Variants in DHTKD1 observed in about 807,000 individuals in gnomAD.
The protein encoded by DHTKD1 is dehydrogenase E1 and transketolase domain containing 1.
In DHTKD1, 78 loss-of-function variants were observed where a neutral mutation model predicts 101.8. The ratio of observed to expected loss-of-function variants is 0.77; its 90% CI spans 0.64 to 0.93. The LOEUF (loss-of-function observed/expected upper bound fraction) is 0.93. Ranked by LOEUF, DHTKD1 falls within the 40% of genes least tolerant of loss-of-function variation. The probability of loss-of-function intolerance (pLI) is 0.00; values close to 1 mark genes in which losing one functional copy is unlikely to be tolerated. For synonymous variants in DHTKD1, 462 were observed against 450.3 expected (o/e 1.03, Z -0.33); for missense variants, 1,223 against 1,161.7 (o/e 1.05, Z -0.77).
Position 12,069,184 on chromosome 10 carries a change from C to G in DHTKD1, c.151C>G (p.Pro51Ala), listed in dbSNP as rs563631393. 2.6e-6 allele frequency: 4 copies of G among 1,547,880 alleles called. No individual in the cohort carries two copies. Among genetic ancestry groups the G allele is most frequent in the African/African-American group, 1.4e-5 (1 of 72,310 alleles). The change falls in exon 1 of 17, where the codon CCA (proline) becomes GCA (alanine). Residue 51 changes from proline (P) to alanine (A), a missense_variant. Pro to Ala is a conservative substitution (Grantham distance 27). Coordinates refer to ENST00000263035, the MANE Select transcript of DHTKD1 (RefSeq NM_018706.7). ...REPQGALERP[P>A]VDHGLARLVT... ...GCCCCAGGGCGCCCTGGAGCGCCCC[C>G]CAGGTCGGGGATGGGGCCCGGGCGG...
intron 3 of DHTKD1, 68 bp downstream of exon 3, chr10:12,084,819 G>A: frequency 1.4e-6 from 2 of 1,424,722 alleles, no homozygotes; most frequent in African/African-American, 1.4e-5. Context: ...GGGAGGCCGA[G>A]GCGGGCGGAT....
At chr10:12,084,391 T>C in intron 2 of DHTKD1, 149 bp from the exon 3 acceptor site, 3 of 581,892 alleles carry the variant, frequency 5.2e-6, no homozygotes, top group Non-Finnish European at 9.1e-6. Flanking sequence ...TTACTGCATA[T>C]AACAAAACAA....
chr10:12,084,453 G>C (rs1159065819), intron 2 of DHTKD1, 87 bp from the exon 3 acceptor site: 3 of 896,332 alleles, frequency 3.3e-6, no homozygotes, highest in Middle Eastern at 3.1e-4. Flanking sequence ...GGTTAATTTA[G>C]AAGAAAATAC....
At position 12,108,096 on chromosome 10, in the gene DHTKD1, C is replaced by G. The variant is rs897708127; in HGVS notation, c.2154+81C>G. On this transcript the variant is annotated intron_variant, in intron 12 of 16. Coordinates refer to ENST00000263035, the MANE Select transcript of DHTKD1 (RefSeq NM_018706.7). ...TCTACCTCCTGCGGATAGCTTAACG[C>G]CCACCTAACTGTAACACAGCTTAGT... 76 of 986,228 alleles carry G rather than the reference C, an allele frequency of 7.7e-5. No homozygotes were observed. In the African/African-American group the frequency reaches 1.1e-3, roughly 15 times the overall value. The allele number at this position is 986,228 out of a possible 1,614,324, so 61.1% of individuals were successfully genotyped here.
At chr10:12,106,193 G>C in intron 10 of DHTKD1, 53 bp from the exon 11 acceptor site, 1 of 1,602,972 alleles carries the variant, frequency 6.2e-7, no homozygotes, top group South Asian at 1.1e-5. Flanking sequence ...CAGGAGCCCA[G>C]TGCTCTGCCG....
rs1473496419 is a variant in DHTKD1, at chr10:12,122,929, C to G, written c.*2041C>G. 1 of 152,218 alleles carries G rather than the reference C, an allele frequency of 6.6e-6. No homozygotes were observed. Among genetic ancestry groups the G allele is most frequent in the African/African-American group, 2.4e-5 (1 of 41,462 alleles). 9.4% of individuals were successfully genotyped at this position (152,218 alleles called of 1,614,324 possible). On this transcript the variant is annotated 3_prime_UTR_variant, in exon 17 of 17. Transcript: ENST00000263035. Reference sequence around the variant, plus strand: ...CTCTCTACTTTTACCAGCAACTGATCATGTCTTTCAGAATCCATGTACATA... The same window carrying G: ...CTCTCTACTTTTACCAGCAACTGATGATGTCTTTCAGAATCCATGTACATA...
At position 12,089,024 on chromosome 10, in the gene DHTKD1, A is replaced by T; in HGVS notation, c.756A>T (p.Pro252=). Residue 252 remains proline, a synonymous_variant, in exon 5 of 17, where the codon CCA becomes CCT. Coordinates refer to ENST00000263035, the MANE Select transcript of DHTKD1 (RefSeq NM_018706.7). Reference sequence around the variant, plus strand: ...AAATGCGAGGCTTAAGTGAATTTCCAGAGAATTTCTCAGCCACTGGAGACG... The same window carrying T: ...AAATGCGAGGCTTAAGTGAATTTCCTGAGAATTTCTCAGCCACTGGAGACG... ...FRKMRGLSEF[P]ENFSATGDVL... is the part of the protein sequence containing the mutation. 6.2e-7 allele frequency: 1 copy of T among 1,614,074 alleles called. No individual in the cohort carries two copies. Among genetic ancestry groups the T allele is most frequent in the African/African-American group, 1.3e-5 (1 of 75,068 alleles).
At chr10:12,119,004 T>G (rs546954569) in intron 15 of DHTKD1, 86 bp downstream of exon 15, 2 of 1,335,690 alleles carry the variant, frequency 1.5e-6, no homozygotes, top group East Asian at 5.3e-5. Context: ...GTGGTGGGGG[T>G]TATTAGAAAA....
At chr10:12,101,002 A>T in intron 9 of DHTKD1, 40 bp from the exon 10 acceptor site, 2 of 1,607,876 alleles carry the variant, frequency 1.2e-6, no homozygotes, top group Non-Finnish European at 1.7e-6. Context: ...TTATTAGGTT[A>T]TTTATGGGAA....
At position 12,091,525 on chromosome 10, in the gene DHTKD1, G is replaced by A. The variant is rs1179819766; in HGVS notation, c.1000G>A (p.Ala334Thr). Reference protein sequence around the residue: ...RVICLQVHGDASFCGQGIVPE... With the variant: ...RVICLQVHGDTSFCGQGIVPE... Reference sequence around the variant, plus strand: ...CCTCATGATTTAGGTCCATGGTGATGCTTCTTTCTGTGGTCAAGGGATTGT... The same window carrying A: ...CCTCATGATTTAGGTCCATGGTGATACTTCTTTCTGTGGTCAAGGGATTGT... Residue 334 changes from alanine (A) to threonine (T), a missense_variant, in exon 6 of 17, where the codon GCT becomes ACT. By Grantham distance (58) the Ala-to-Thr change is moderately conservative (BLOSUM62 0). Transcript: ENST00000263035. 1.2e-6 allele frequency: 2 copies of A among 1,602,982 alleles called. No individual in the cohort carries two copies. Among genetic ancestry groups the A allele is most frequent in the Non-Finnish European group, 1.7e-6 (2 of 1,174,624 alleles).
chr10:12,114,560 T>C (rs1833383999), intron 13 of DHTKD1, among the ~76,000 whole-genome samples: 1 of 152,162 alleles, frequency 6.6e-6, no homozygotes, highest in African/African-American at 2.4e-5. Context: ...CCTCCCGAAG[T>C]GCTGGGATTA....
At chr10:12,115,354 C>T (rs1258629168) in intron 13 of DHTKD1, among the ~76,000 whole-genome samples, 3 of 152,162 alleles carry the variant, frequency 2.0e-5, no homozygotes, top group African/African-American at 7.2e-5. Context: ...GACTCGGCCT[C>T]CCAAAATGCT....
rs375917261 is a variant in DHTKD1, at chr10:12,084,699, C to A, written c.470C>A (p.Thr157Lys). Reference protein sequence around the residue: ...AKRFEELQKETFTTEERKHLS... With the variant: ...AKRFEELQKEKFTTEERKHLS... The stretch of plus-strand genomic sequence containing the variant: ...CGGTTTGAGGAACTGCAAAAGGAGA[C>A]GTTTACCACAGAAGAGCGAAAACAT... The change falls in exon 3 of 17, where the codon ACG becomes AAG. Residue 157 changes from threonine (T) to lysine (K), a missense_variant. Transcript: ENST00000263035. 2 of 1,613,978 alleles carry A rather than the reference C, an allele frequency of 1.2e-6. No homozygotes were observed. Among genetic ancestry groups the A allele is most frequent in the Non-Finnish European group, 1.7e-6 (2 of 1,180,032 alleles).
intron 9 of DHTKD1, 88 bp from the exon 10 acceptor site, chr10:12,100,954 T>G (rs1833159128): frequency 2.2e-6 from 3 of 1,359,510 alleles, no homozygotes; most frequent in Middle Eastern, 3.8e-4. Context: ...TTCTCAGGAT[T>G]AAGCCAGTAT....
At chr10:12,073,945 CCT>C in intron 1 of DHTKD1, among the ~76,000 whole-genome samples, 2 of 152,264 alleles carry the variant, frequency 1.3e-5, no homozygotes, top group Middle Eastern at 6.8e-3. Flanking sequence ...CAGAAGCATG[CCT>C]CTGATATTCT....
chr10:12,116,935 A>G (rs1833426457), intron 13 of DHTKD1, among the ~76,000 whole-genome samples: 1 of 152,000 alleles, frequency 6.6e-6, no homozygotes, highest in Non-Finnish European at 1.5e-5. Context: ...TTGTGAGTTC[A>G]AGCAATCCAC....
chr10:12,097,610 G>C (rs916701808), intron 7 of DHTKD1, 74 bp from the exon 8 acceptor site: 34 of 1,347,486 alleles, frequency 2.5e-5, no homozygotes, highest in Non-Finnish European at 3.2e-5. Flanking sequence ...CACCGCCCTT[G>C]ACAGTGACTC....
rs373988233 is a variant in DHTKD1, at chr10:12,120,278, G to A, written c.2658+11G>A. The A allele has an allele frequency of 7.5e-6, 12 of 1,602,802 alleles. 1 individual carries two copies. The African/African-American group carries it at 1.6e-4, about 21-fold the overall frequency. On this transcript the variant is annotated intron_variant, in intron 16 of 16. Coordinates refer to ENST00000263035, the MANE Select transcript of DHTKD1 (RefSeq NM_018706.7). ...CAGCTGGCCTGCAAGGTAATCACACGTTTTCTCTGGTAGTGTTTTGTGTTT... is the reference window on the plus strand; with the variant it reads ...CAGCTGGCCTGCAAGGTAATCACACATTTTCTCTGGTAGTGTTTTGTGTTT...
chr10:12,101,409 T>A (rs1178465353), intron 10 of DHTKD1, among the ~76,000 whole-genome samples: 3 of 152,194 alleles, frequency 2.0e-5, no homozygotes, highest in Non-Finnish European at 4.4e-5. Context: ...ATCATGTAAA[T>A]GTCAAATCAA....
Sources: gnomAD v4.1 joint callset for allele counts (sites outside exome capture counted in the v4.1 genomes callset) on GRCh38, gnomAD v4.1.1 for gene constraint, MANE v1.5 for transcripts, NCBI Gene and HGNC (gene_info 2026-07-23, HGNC 2026-07-21) for gene names.